TRIO: variants seen among roughly 807,000 people sequenced by gnomAD.
TRIO encodes the protein triple functional domain protein.
TRIO carries 58 observed loss-of-function variants against 351.9 expected under a neutral mutation model. The ratio of observed to expected loss-of-function variants is 0.16; its 90% CI spans 0.13 to 0.21. The LOEUF is 0.21. TRIO is among the 10% of genes least tolerant of loss of function. The pLI is 1.00. For missense variants in TRIO, 3,201 were observed against 4,027.8 expected (o/e 0.79, Z 5.56); for synonymous variants, 1,758 against 1,595.7 (o/e 1.10, Z -2.42).
chr5:14,488,307 C>G (rs778607806), intron 48 of TRIO, 47 bp downstream of exon 48: 18 of 1,504,514 alleles, frequency 1.2e-5, no homozygotes, highest in South Asian at 3.6e-5. Flanking sequence ...CTGCCTCTGT[C>G]CCGCCAGCTC....
intron 1 of TRIO, among the ~76,000 whole-genome samples, chr5:14,226,840 G>A (rs916172817): frequency 6.6e-6 from 1 of 152,250 alleles, no homozygotes. Context: ...AGTGGCCGAT[G>A]GCCGGGAAGT....
intron 9 of TRIO, among the ~76,000 whole-genome samples, chr5:14,326,701 G>A (rs1740423176): frequency 6.6e-6 from 1 of 152,218 alleles, no homozygotes; most frequent in African/African-American, 2.4e-5. Context: ...TGGGAAGGGG[G>A]CGGAGGTGCA....
At chr5:14,364,850 G>T (rs201254508) in intron 15 of TRIO, 34 bp downstream of exon 15, 3 of 1,583,000 alleles carry the variant, frequency 1.9e-6, no homozygotes, top group Non-Finnish European at 2.6e-6. Context: ...GGGAGGCTGC[G>T]CTACAGATGC....
intron 1 of TRIO, among the ~76,000 whole-genome samples, chr5:14,194,780 G>A (rs942921868): frequency 2.0e-5 from 3 of 152,250 alleles, no homozygotes; most frequent in Non-Finnish European, 2.9e-5. Context: ...ATATGCATAC[G>A]TCTTTTAATT....
chr5:14,496,895 C>T lies in TRIO; in HGVS notation c.7897C>T (p.His2633Tyr). 6.2e-7 allele frequency: 1 copy of T among 1,614,064 alleles called. No homozygotes were observed. The highest frequency in any genetic ancestry group is 8.5e-7 in the Non-Finnish European group (1 of 1,180,000). ...DGTLKKSTSW[H>Y]TALRLRKKSE... The stretch of plus-strand genomic sequence containing the variant: ...TTCCCCTAGGAAGTCAACATCTTGG[C>T]ACACAGCACTCCGTTTAAGGAAAAA... Residue 2633 changes from histidine to tyrosine, a missense_variant, in exon 50 of 57, where the codon CAC (histidine) becomes TAC (tyrosine). By Grantham distance (83) the His-to-Tyr change is moderately conservative. Around this residue, in one of 19 missense-constraint regions of TRIO, gnomAD observed 1,089 missense variants for 954.9 expected, o/e 1.14. Coordinates refer to ENST00000344204, the MANE Select transcript of TRIO (RefSeq NM_007118.4).
chr5:14,263,346 C>G (rs1420504553), intron 1 of TRIO, among the ~76,000 whole-genome samples: 2 of 151,988 alleles, frequency 1.3e-5, no homozygotes, highest in African/African-American at 4.8e-5. Context: ...GTTGAGAGCC[C>G]CTCTGGCCCC....
intron 11 of TRIO, among the ~76,000 whole-genome samples, chr5:14,351,885 G>C (rs1439277928): frequency 6.6e-6 from 1 of 152,214 alleles, no homozygotes; most frequent in Non-Finnish European, 1.5e-5. Context: ...CTTAACTGGA[G>C]GCTTGGTCCT....
chr5:14,217,295 C>G (rs1164262020), intron 1 of TRIO, among the ~76,000 whole-genome samples: 1 of 152,186 alleles, frequency 6.6e-6, no homozygotes, highest in African/African-American at 2.4e-5. Context: ...TAACTCTGTC[C>G]TGTTAAACCA....
At chr5:14,506,293 G>A (rs536962432) in intron 55 of TRIO, among the ~76,000 whole-genome samples, 2 of 152,194 alleles carry the variant, frequency 1.3e-5, no homozygotes, top group African/African-American at 2.4e-5. Context: ...AATAGGATCC[G>A]TTTTCATGAC....
At chr5:14,256,233 C>T (rs562916990) in intron 1 of TRIO, among the ~76,000 whole-genome samples, 19 of 152,200 alleles carry the variant, frequency 1.2e-4, no homozygotes, top group Admixed American at 1.0e-3. Flanking sequence ...GTGCTACTCT[C>T]TTTGAAACAA....
At chr5:14,202,293 G>GTTTTT (rs1561196197) in intron 1 of TRIO, among the ~76,000 whole-genome samples, 3 of 34,348 alleles carry the variant, frequency 8.7e-5, no homozygotes, top group African/African-American at 3.0e-4. Context: ...ATATTTTTGT[G>GTTTTT]ATTTTTTTTT....
chr5:14,179,793 T>C (rs1396798828), intron 1 of TRIO, among the ~76,000 whole-genome samples: 2 of 152,158 alleles, frequency 1.3e-5, no homozygotes, highest in Non-Finnish European at 2.9e-5. Context: ...ATGTATTGGC[T>C]AAATTAATGA....
rs757362147 is a variant in TRIO at position 14,290,977 on chromosome 5, A to C, written c.802A>C (p.Ile268Leu). Residue 268 changes from isoleucine (I) to leucine (L), a missense_variant, in exon 5 of 57, where the codon ATT becomes CTT. Ile to Leu is a conservative substitution (Grantham distance 5). This residue lies in a region of TRIO where 349 missense variants were observed against 449.3 expected (regional missense o/e 0.78). Coordinates refer to ENST00000344204, the MANE Select transcript of TRIO (RefSeq NM_007118.4). ...ACATTCTCAGCTGAAGAAGAAGGTG[A>C]TTAAGGCCCCCATCGAGGACCTGGA... is the stretch of plus-strand genomic sequence containing the variant. ...EEHSQLKKKV[I>L]KAPIEDLDLE... 6 of 1,614,112 alleles carry C rather than the reference A, an allele frequency of 3.7e-6. No individual in the cohort carries two copies.
At chr5:14,287,175 A>G in intron 4 of TRIO, 112 bp downstream of exon 4, 1 of 1,011,060 alleles carries the variant, frequency 9.9e-7, no homozygotes, top group Non-Finnish European at 1.5e-6. Flanking sequence ...CAGGAGCTGC[A>G]TATCTTACGA....
At chr5:14,387,297 C>T in intron 21 of TRIO, 141 bp from the exon 22 acceptor site, 1 of 734,980 alleles carries the variant, frequency 1.4e-6, no homozygotes, top group Non-Finnish European at 2.2e-6. Context: ...AGTGGGTGGA[C>T]CTGGGGCTTT....
At position 14,487,807 on chromosome 5, in the gene TRIO, G is replaced by C. The variant is rs1027020749; in HGVS notation, c.7179G>C (p.Arg2393=). Residue 2393 remains arginine, a synonymous_variant, in exon 48 of 57, where the codon CGG becomes CGC. Transcript: ENST00000344204. ...CCGGCCCCAGCGCGCCCAGCAGGCG[G>C]CCCCCCGGCGCGGACGCCGAGGGGT... ...PEAGPSAPSR[R]PPGADAEGSE... is the part of the protein sequence containing the mutation. The C allele has an allele frequency of 1.1e-5, 15 of 1,416,066 alleles. No homozygotes were observed. The highest frequency in any genetic ancestry group is 1.5e-5 in the South Asian group (1 of 68,934). 87.7% of individuals were successfully genotyped at this position (1,416,066 alleles called of 1,614,324 possible).
At position 14,297,335 on chromosome 5, in the gene TRIO, G is replaced by T. The variant is rs2152290189; in HGVS notation, c.1368+72G>T. ...TCTTCCTCCATGAATATTGGTGTGT[G>T]TGCAAACACTCTTGTGTAGCACATA... On this transcript the variant is annotated intron_variant, in intron 7 of 56. Transcript: ENST00000344204. The T allele has an allele frequency of 2.7e-6, 4 of 1,503,662 alleles. No individual in the cohort carries two copies. In the African/African-American group the frequency reaches 4.1e-5, roughly 16 times the overall value. The allele number at this position is 1,503,662 out of a possible 1,614,324, so 93.1% of individuals were successfully genotyped here. A position where few individuals can be genotyped will look rare whatever the true frequency, so the allele number is the denominator to read the frequency against.
At chr5:14,365,845 T>C (rs1250464057) in intron 15 of TRIO, among the ~76,000 whole-genome samples, 4 of 152,182 alleles carry the variant, frequency 2.6e-5, no homozygotes, top group Non-Finnish European at 4.4e-5. Flanking sequence ...AAGTGGCTGT[T>C]GTAGCTCCAG....
intron 28 of TRIO, among the ~76,000 whole-genome samples, chr5:14,395,475 C>T (rs1440862159): frequency 1.3e-5 from 2 of 152,212 alleles, no homozygotes; most frequent in Non-Finnish European, 1.5e-5. Context: ...AGAGGTTCTT[C>T]AGGAGAACAG....
Sources: allele counts gnomAD v4.1 joint callset (sites outside exome capture counted in the v4.1 genomes callset), GRCh38; gene constraint gnomAD v4.1.1; regional missense constraint gnomAD v4.1.1; transcripts MANE v1.5; gene names NCBI Gene and HGNC (gene_info 2026-07-23, HGNC 2026-07-21).